The following TBXAS1 variants were observed in gnomAD, a reference collection of about 807,000 sequenced individuals.
TBXAS1 encodes the protein thromboxane-A synthase.
Under a neutral mutation model 60.7 loss-of-function variants are expected in TBXAS1, and 48 were observed. The ratio of observed to expected loss-of-function variants is 0.79; its 90% CI spans 0.63 to 1.01. TBXAS1 has a LOEUF of 1.01. Among genes scored for constraint, TBXAS1 ranks in the 50% least tolerant of loss-of-function variants. The pLI is 0.00. For missense variants in TBXAS1, 685 were observed against 686.3 expected (o/e 1.00, Z 0.02); for synonymous variants, 287 against 269.7 (o/e 1.06, Z -0.63).
rs915574980 is a variant in TBXAS1, at chr7:139,904,985, T to TTCTC, written c.237-6236_237-6233dup. On this transcript the variant is annotated intron_variant, in intron 3 of 12. Coordinates refer to ENST00000448866, the MANE Select transcript of TBXAS1 (RefSeq NM_001061.7). ...CCTCCCTCCCTACCTTTCTTTCTCT[T>TTCTC]TCTCTCTTTCTCTCTTTCTCTCTTT... Among the ~76,000 whole-genome samples the TTCTC allele has an allele frequency of 3.0e-5, 4 of 134,680 alleles. No homozygotes were observed. The East Asian group carries it at 6.4e-4, about 22-fold the overall frequency. The allele number at this position is 134,680 out of a possible 152,430, so 88.4% of individuals were successfully genotyped here.
chr7:139,866,548 G>A (rs914579390), intron 1 of TBXAS1, among the ~76,000 whole-genome samples: 3 of 149,134 alleles, frequency 2.0e-5, no homozygotes, highest in South Asian at 2.2e-4. Context: ...GAGCCCAGGA[G>A]TTTGAGACCA....
At chr7:139,940,108 T>C (rs906974128) in intron 5 of TBXAS1, among the ~76,000 whole-genome samples, 2 of 152,138 alleles carry the variant, frequency 1.3e-5, no homozygotes, top group African/African-American at 4.8e-5. Flanking sequence ...TTAGCAAGCT[T>C]TATTAGGAGA....
chr7:139,985,081 C>T (rs1812347191), intron 9 of TBXAS1, among the ~76,000 whole-genome samples: 1 of 152,198 alleles, frequency 6.6e-6, no homozygotes, highest in South Asian at 2.1e-4. Context: ...TTCTGCCAGT[C>T]ACTCCAGGAG....
chr7:139,836,243 A>C (rs1473806136), intron 1 of TBXAS1, among the ~76,000 whole-genome samples: 2 of 152,166 alleles, frequency 1.3e-5, no homozygotes, highest in African/African-American at 4.8e-5. Context: ...TCATACTGCC[A>C]AAAGCAATCT....
chr7:139,827,492 A>G (rs1798470094), upstream of TBXAS1, among the ~76,000 whole-genome samples: 1 of 152,114 alleles, frequency 6.6e-6, no homozygotes, highest in Non-Finnish European at 1.5e-5. Context: ...GTACCATTGC[A>G]TTCATCGGGC....
rs150071784 is a variant in TBXAS1, at chr7:139,930,318, T to C, written c.334-5873T>C. Among the ~76,000 whole-genome samples the C allele has an allele frequency of 1.1e-3, 174 of 152,350 alleles. 2 individuals are homozygous for C. Among genetic ancestry groups the C allele is most frequent in the African/African-American group, 3.8e-3 (160 of 41,582 alleles). On this transcript the variant is annotated intron_variant, in intron 4 of 12. Coordinates refer to ENST00000448866, the MANE Select transcript of TBXAS1 (RefSeq NM_001061.7). ...CTCTGTGAGGACACGGAGCTTCATT[T>C]TGTTCACAGAGGTATCCTCAGCACC...
intron 9 of TBXAS1, 185 bp downstream of exon 9, chr7:139,962,418 C>T: frequency 1.4e-6 from 1 of 693,372 alleles, no homozygotes; most frequent in Non-Finnish European, 2.4e-6. Flanking sequence ...ATGTTGAGAA[C>T]AATAACCACA....
intron 1 of TBXAS1, among the ~76,000 whole-genome samples, chr7:139,841,154 C>T (rs1569498144): frequency 6.6e-6 from 1 of 152,190 alleles, no homozygotes; most frequent in East Asian, 1.9e-4. Context: ...AGGGGCCTCA[C>T]GGTAGCTTCA....
upstream of TBXAS1, among the ~76,000 whole-genome samples, chr7:139,827,944 G>A (rs1798490118): frequency 1.3e-5 from 2 of 152,186 alleles, no homozygotes; most frequent in Admixed American, 6.5e-5. Flanking sequence ...TGGATAACCT[G>A]ATGACAATGT....
At chr7:139,980,920 C>T (rs1375872078) in intron 9 of TBXAS1, among the ~76,000 whole-genome samples, 1 of 150,442 alleles carries the variant, frequency 6.6e-6, no homozygotes, top group African/African-American at 2.5e-5. Flanking sequence ...GCATTTCTTC[C>T]ACAAGCAGTA....
At chr7:139,948,261 G>A (rs1212699161) in intron 5 of TBXAS1, among the ~76,000 whole-genome samples, 1 of 152,180 alleles carries the variant, frequency 6.6e-6, no homozygotes, top group East Asian at 1.9e-4. Flanking sequence ...CCGCCATCTT[G>A]CTCTGTGCCC....
At chr7:139,805,373 G>A (rs1281265195) in intron 4 of TBXAS1, among the ~76,000 whole-genome samples, 1 of 152,228 alleles carries the variant, frequency 6.6e-6, no homozygotes, top group African/African-American at 2.4e-5. Context: ...TAACTTTTAT[G>A]TTATATTGCC....
chr7:140,020,168 G>C lies in TBXAS1; in HGVS notation c.*69G>C. On this transcript the variant is annotated 3_prime_UTR_variant, in exon 13 of 13. Transcript: ENST00000448866. ...AGAAAACCCTAAGTGTGGATGTTCA[G>C]AATTTTGGAAAAATGTCACTGAAGT... is the stretch of plus-strand genomic sequence containing the variant. The C allele has an allele frequency of 6.6e-7, 1 of 1,509,602 alleles. No individual in the cohort carries two copies. Among genetic ancestry groups the C allele is most frequent in the East Asian group, 2.3e-5 (1 of 44,346 alleles). 93.5% of individuals were successfully genotyped at this position (1,509,602 alleles called of 1,614,324 possible). A position where few individuals can be genotyped will look rare whatever the true frequency, so the allele number is the denominator to read the frequency against.
chr7:139,823,111 G>A (rs558730070), intron 4 of TBXAS1, among the ~76,000 whole-genome samples: 3 of 151,496 alleles, frequency 2.0e-5, no homozygotes, highest in Admixed American at 6.6e-5. Flanking sequence ...CTTCTGCTTG[G>A]TGAATTCATC....
intron 2 of TBXAS1, among the ~76,000 whole-genome samples, chr7:139,873,831 C>T (rs550565797): frequency 7.9e-5 from 12 of 152,246 alleles, no homozygotes; most frequent in Middle Eastern, 3.4e-3. Context: ...CCAGACCCAA[C>T]GCCAGGAGCC....
At chr7:139,915,908 A>G (rs1805930260) in intron 4 of TBXAS1, among the ~76,000 whole-genome samples, 1 of 152,140 alleles carries the variant, frequency 6.6e-6, no homozygotes, top group Admixed American at 6.5e-5. Flanking sequence ...TCTCTGCTTC[A>G]TCTTGCTCAT....
chr7:139,936,754 A>G (rs975294604), intron 5 of TBXAS1, among the ~76,000 whole-genome samples: 22 of 152,246 alleles, frequency 1.4e-4, no homozygotes, highest in African/African-American at 5.3e-4. Flanking sequence ...GTTACTGGAC[A>G]ATGAACCACA....
chr7:140,004,316 G>A lies in TBXAS1; in HGVS notation c.1135-2775G>A, dbSNP rs755029805. ...TTGTTTCTTCTGCAGTCTCTTTTTC[G>A]ACTTGTCATGGTGCTTTTTATTTTC... On this transcript the variant is annotated intron_variant, in intron 9 of 12. Transcript: ENST00000448866. This position sits in a 1 kb window ranked among gnomAD's most constrained non-coding sequence, Gnocchi z 5.1. 2.6e-5 allele frequency among the ~76,000 whole-genome samples: 4 copies of A among 152,130 alleles called. No individual in the cohort carries two copies. The highest frequency in any genetic ancestry group is 2.1e-4 in the South Asian group (1 of 4,828).
intron 1 of TBXAS1, among the ~76,000 whole-genome samples, chr7:139,864,997 T>G (rs989098051): frequency 5.3e-5 from 8 of 152,202 alleles, no homozygotes; most frequent in Admixed American, 1.3e-4. Flanking sequence ...AAATACTCAC[T>G]ATTATAAATT....
Sources: gnomAD v4.1 joint callset for allele counts (sites outside exome capture counted in the v4.1 genomes callset) on GRCh38, gnomAD v4.1.1 for gene constraint, Gnocchi (gnomAD v3.1) non-coding constraint, MANE v1.5 for transcripts, NCBI Gene and HGNC (gene_info 2026-07-23, HGNC 2026-07-21) for gene names.